The following DLC1 variants were observed in gnomAD, a reference collection of about 807,000 sequenced individuals.
The protein encoded by DLC1 is DLC1 Rho GTPase activating protein.
In DLC1, 54 loss-of-function variants were observed where a neutral mutation model predicts 140.3. The ratio of observed to expected loss-of-function variants is 0.38; its 90% CI spans 0.31 to 0.48. The LOEUF is 0.48. Among genes scored for constraint, DLC1 ranks in the 20% least tolerant of loss-of-function variants. DLC1 has a pLI of 0.96. For synonymous variants in DLC1, 986 were observed against 728.1 expected, an observed-to-expected ratio of 1.35 and a Z score of -5.70; for missense variants, 2,536 against 1,907.0, an observed-to-expected ratio of 1.33 and a Z score of -6.14.
chr8:13,271,246 G>A (rs1347343684), intron 5 of DLC1, among the ~76,000 whole-genome samples: 1 of 152,168 alleles, frequency 6.6e-6, no homozygotes, highest in Admixed American at 6.5e-5. Context: ...TTTACTAGAG[G>A]AGGCTGCATA....
At chr8:13,386,683 CTTAT>C (rs1836532188) in intron 4 of DLC1, among the ~76,000 whole-genome samples, 1 of 152,016 alleles carries the variant, frequency 6.6e-6, no homozygotes, top group South Asian at 2.1e-4. Flanking sequence ...GAATTGCACA[CTTAT>C]TTATTATTTC....
chr8:13,524,490 G>A (rs76548190), intron 1 of DLC1, among the ~76,000 whole-genome samples: 27 of 152,000 alleles, frequency 1.8e-4, no homozygotes, highest in East Asian at 5.8e-4. Flanking sequence ...AATTTGTACC[G>A]TAATAGTCTA....
intron 5 of DLC1, among the ~76,000 whole-genome samples, chr8:13,200,109 C>A (rs2117062271): frequency 6.6e-6 from 1 of 152,252 alleles, no homozygotes; most frequent in African/African-American, 2.4e-5. Context: ...ATGGCGTGAT[C>A]TCTGCTCACT....
At position 13,478,090 on chromosome 8, in the gene DLC1, G is replaced by A. The variant is rs117139551; in HGVS notation, c.1023+20959C>T. ...TTGCTATAAAGAAATACCCGAGACT[G>A]GGTAATTTATAAAGAAGAGAGGTTT... On this transcript the variant is annotated intron_variant, in intron 2 of 17. Transcript: ENST00000276297. Among the ~76,000 whole-genome samples, 259 of 152,270 alleles carry A rather than the reference G, an allele frequency of 1.7e-3. 6 individuals are homozygous for A. The East Asian group carries it at 0.038, about 22-fold the overall frequency.
At chr8:13,217,441 C>T (rs1828256202) in intron 5 of DLC1, among the ~76,000 whole-genome samples, 1 of 152,182 alleles carries the variant, frequency 6.6e-6, no homozygotes, top group Admixed American at 6.5e-5. Flanking sequence ...ATCTGAGCCA[C>T]TCAATAGCCA....
chr8:13,549,757 C>CA (rs2117352161), intron 1 of DLC1, among the ~76,000 whole-genome samples: 1 of 151,848 alleles, frequency 6.6e-6, no homozygotes, highest in Non-Finnish European at 1.5e-5. Context: ...GTGTTACTGC[C>CA]AAAAAAGACA....
At chr8:13,097,249 T>TTTATTATTATTATTATTATTA (rs149250885) in intron 10 of DLC1, among the ~76,000 whole-genome samples, 1 of 147,006 alleles carries the variant, frequency 6.8e-6, no homozygotes, top group African/African-American at 2.5e-5. Flanking sequence ...CACATCCAAA[T>TTTATTATTATTATTATTATTA]TTATTATTAT....
intron 2 of DLC1, among the ~76,000 whole-genome samples, chr8:13,426,494 C>A (rs1050617761): frequency 6.6e-6 from 1 of 152,144 alleles, no homozygotes; most frequent in Non-Finnish European, 1.5e-5. Context: ...AGATAAAACC[C>A]TTGACACTCT....
chr8:13,593,114 C>G (rs1805572414), intron 1 of DLC1, among the ~76,000 whole-genome samples: 1 of 152,104 alleles, frequency 6.6e-6, no homozygotes, highest in South Asian at 2.1e-4. Flanking sequence ...CCTCACCTCA[C>G]CCCACCCAAT....
At chr8:13,453,402 G>GTATATATATACATATATATATATA (rs1799167527) in intron 2 of DLC1, among the ~76,000 whole-genome samples, 1 of 20,812 alleles carries the variant, frequency 4.8e-5, no homozygotes, top group African/African-American at 2.1e-4. Flanking sequence ...ATATATATAT[G>GTATATATATACATATATATATATA]TGTATATATA....
intron 5 of DLC1, among the ~76,000 whole-genome samples, chr8:13,175,363 T>C (rs953844127): frequency 4.0e-5 from 6 of 151,806 alleles, no homozygotes; most frequent in African/African-American, 1.5e-4. Context: ...TGGTTTGATA[T>C]GAAGTTCTGA....
At chr8:13,176,988 C>T (rs1254766308) in intron 5 of DLC1, among the ~76,000 whole-genome samples, 1 of 152,112 alleles carries the variant, frequency 6.6e-6, no homozygotes, top group Non-Finnish European at 1.5e-5. Context: ...CTCCTAGAGC[C>T]TCCAGGAAGG....
At chr8:13,232,936 C>T (rs1283622983) in intron 5 of DLC1, among the ~76,000 whole-genome samples, 2 of 152,100 alleles carry the variant, frequency 1.3e-5, no homozygotes, top group Non-Finnish European at 2.9e-5. Flanking sequence ...CCTGACTAAT[C>T]AATAACATTT....
intron 1 of DLC1, among the ~76,000 whole-genome samples, chr8:13,593,005 G>A (rs1366846530): frequency 6.6e-6 from 1 of 151,744 alleles, no homozygotes; most frequent in Non-Finnish European, 1.5e-5. Flanking sequence ...AATTTCTCTG[G>A]TTTCTGTTTA....
At chr8:13,169,006 A>G (rs766651922) in intron 5 of DLC1, among the ~76,000 whole-genome samples, 9 of 152,230 alleles carry the variant, frequency 5.9e-5, no homozygotes, top group Non-Finnish European at 1.3e-4. Context: ...GGTATAGGAA[A>G]TATGATTTAG....
intron 4 of DLC1, among the ~76,000 whole-genome samples, chr8:13,375,753 G>A (rs968208714): frequency 3.4e-5 from 5 of 148,504 alleles, no homozygotes; most frequent in Non-Finnish European, 7.6e-5. Flanking sequence ...GCTGTGAGAT[G>A]AGAAAGGAAT....
Position 13,552,529 on chromosome 8 carries a change from T to G in DLC1, c.-126+52008A>C, listed in dbSNP as rs1803901835. ...TATGATAGAAGTATCAGCTGTAACC[T>G]TAAAAACATGAGTGAATATATATTT... is the stretch of plus-strand genomic sequence containing the variant. On this transcript the variant is annotated intron_variant, in intron 1 of 1. Transcript: ENST00000631382. 2.0e-5 allele frequency among the ~76,000 whole-genome samples: 3 copies of G among 151,444 alleles called. No homozygotes were observed. In the South Asian group the frequency reaches 6.3e-4, roughly 32 times the overall value.
chr8:13,111,117 T>TC (rs1293644502), intron 6 of DLC1, among the ~76,000 whole-genome samples: 1 of 152,084 alleles, frequency 6.6e-6, no homozygotes, highest in Non-Finnish European at 1.5e-5. Context: ...AGGCAATGAG[T>TC]CCCCAGTAGA....
intron 5 of DLC1, among the ~76,000 whole-genome samples, chr8:13,249,674 G>A (rs898654237): frequency 1.3e-5 from 2 of 151,786 alleles, no homozygotes; most frequent in East Asian, 1.9e-4. Flanking sequence ...TTACAGCAAC[G>A]TTCCCTCTGC....
Sources: allele counts gnomAD v4.1 joint callset (sites outside exome capture counted in the v4.1 genomes callset), GRCh38; gene constraint gnomAD v4.1.1; transcripts MANE v1.5; gene names NCBI Gene and HGNC (gene_info 2026-07-23, HGNC 2026-07-21).